The following NXPH2 variants were observed in gnomAD, a reference collection of about 807,000 sequenced individuals.
The protein encoded by NXPH2 is neurexophilin 2, also known as neurexophilin-2.
Under a neutral mutation model 19.8 loss-of-function variants are expected in NXPH2, and 5 were observed. The observed-to-expected ratio is 0.25, with a 90% CI of 0.13 to 0.53. The LOEUF (loss-of-function observed/expected upper bound fraction) is 0.53. NXPH2 is among the 20% of genes least tolerant of loss of function. NXPH2 has a pLI of 0.96. For synonymous variants in NXPH2, 154 were observed against 127.4 expected, an observed-to-expected ratio of 1.21 and a Z score of -1.41; for missense variants, 289 against 322.8, an observed-to-expected ratio of 0.90 and a Z score of 0.80.
chr2:138,725,718 A>T (rs1681345570), intron 1 of NXPH2, among the ~76,000 whole-genome samples: 1 of 152,340 alleles, frequency 6.6e-6, no homozygotes, highest in East Asian at 1.9e-4. Context: ...TTTAAAAATC[A>T]TCTTCTGACG....
intron 1 of NXPH2, among the ~76,000 whole-genome samples, chr2:138,678,099 A>T (rs146488851): frequency 0.012 from 1,889 of 152,330 alleles, 43 homozygotes; most frequent in African/African-American, 0.041. Context: ...GGTTACAAAG[A>T]TTCTCAACTT....
At position 138,671,357 on chromosome 2, in the gene NXPH2, G is replaced by A. The variant is rs1039140969; in HGVS notation, c.360C>T (p.Asn120=). The A allele has an allele frequency of 1.2e-6, 2 of 1,613,762 alleles. No homozygotes were observed. Among genetic ancestry groups the A allele is most frequent in the African/African-American group, 2.7e-5 (2 of 74,910 alleles). ...GGAGATTGAGTTTGACAGTTTTAAT[G>A]TTGGAATGAAAGTCACCCCATCCAA... ...KMFGWGDFHS[N]IKTVKLNLLI... Residue 120 remains asparagine (N), a synonymous_variant, in exon 2 of 2, where the codon AAC becomes AAT. Coordinates refer to ENST00000272641, the MANE Select transcript of NXPH2 (RefSeq NM_007226.3).
intron 1 of NXPH2, among the ~76,000 whole-genome samples, chr2:138,742,321 G>A (rs1250008510): frequency 6.6e-6 from 1 of 152,060 alleles, no homozygotes. Context: ...TTCAAATACT[G>A]AGGAATCCTG....
rs573831270 is a variant in NXPH2 at position 138,775,889 on chromosome 2, T to C, written c.51+4302A>G. Among the ~76,000 whole-genome samples, 86 of 152,266 alleles carry C rather than the reference T, an allele frequency of 5.6e-4. No individual in the cohort carries two copies. In the Middle Eastern group the frequency reaches 0.017, roughly 30 times the overall value. ...TCTAACCAGCAATAATGCTTATGGC[T>C]AAGATAGAAATGAGATTCTTTACAG... On this transcript the variant is annotated intron_variant, in intron 1 of 1. Transcript: ENST00000272641.
chr2:138,730,682 T>C (rs1054863690), intron 1 of NXPH2, among the ~76,000 whole-genome samples: 1 of 152,192 alleles, frequency 6.6e-6, no homozygotes, highest in Non-Finnish European at 1.5e-5. Context: ...AAAGTTCTAA[T>C]AACTCTAGAT....
chr2:138,727,370 G>A (rs1681375654), intron 1 of NXPH2, among the ~76,000 whole-genome samples: 1 of 152,126 alleles, frequency 6.6e-6, no homozygotes, highest in Non-Finnish European at 1.5e-5. Context: ...AATTCCTATT[G>A]TTCAACATCC....
intron 1 of NXPH2, among the ~76,000 whole-genome samples, chr2:138,725,384 C>A (rs1317759733): frequency 6.6e-6 from 1 of 152,190 alleles, no homozygotes; most frequent in Non-Finnish European, 1.5e-5. Flanking sequence ...GCATTTTACT[C>A]AGATCTATAC....
rs75017361 is a variant in NXPH2 at position 138,763,053 on chromosome 2, T to A, written c.51+17138A>T. Among the ~76,000 whole-genome samples the A allele has an allele frequency of 6.8e-3, 1,043 of 152,336 alleles. 11 individuals are homozygous for A. Among genetic ancestry groups the A allele is most frequent in the African/African-American group, 0.023 (951 of 41,578 alleles). On this transcript the variant is annotated intron_variant, in intron 1 of 1. Transcript: ENST00000272641. ...CTTTCAAAAACTTTAAATCATGAAATAATCACTTTAATTAAGACTAAAATA... is the reference window on the plus strand; with the variant it reads ...CTTTCAAAAACTTTAAATCATGAAAAAATCACTTTAATTAAGACTAAAATA...
chr2:138,746,484 G>C (rs1444530338), intron 1 of NXPH2, among the ~76,000 whole-genome samples: 2 of 152,218 alleles, frequency 1.3e-5, no homozygotes, highest in Admixed American at 6.5e-5. Flanking sequence ...ACCTGTATCT[G>C]ACTTTAGGGT....
intron 1 of NXPH2, among the ~76,000 whole-genome samples, chr2:138,718,596 T>C (rs957915118): frequency 6.6e-6 from 1 of 152,046 alleles, no homozygotes; most frequent in Non-Finnish European, 1.5e-5. Context: ...GTCAGAAAGG[T>C]AGCAGCTGAA....
intron 1 of NXPH2, among the ~76,000 whole-genome samples, chr2:138,761,372 C>CGGG (rs1199024712): frequency 2.0e-5 from 3 of 152,190 alleles, no homozygotes; most frequent in Non-Finnish European, 2.9e-5. Flanking sequence ...ACCATTTCCC[C>CGGG]GGTCAGGTCC....
intron 1 of NXPH2, among the ~76,000 whole-genome samples, chr2:138,697,137 A>G (rs1440637128): frequency 6.6e-6 from 1 of 152,166 alleles, no homozygotes; most frequent in Non-Finnish European, 1.5e-5. Context: ...AAACTCATCT[A>G]TAGGCAGATC....
chr2:138,669,404 C>T lies in NXPH2; in HGVS notation c.*1518G>A, dbSNP rs1197566583. 2.6e-5 allele frequency among the ~76,000 whole-genome samples: 4 copies of T among 152,096 alleles called. No homozygotes were observed. The highest frequency in any genetic ancestry group is 6.5e-5 in the Admixed American group (1 of 15,276). On this transcript the variant is annotated 3_prime_UTR_variant, in exon 2 of 2. Transcript: ENST00000272641. ...AGAACTTCAAGCCTGTACTACCACA[C>T]ACTAAGCTTAGTACAATTTTTACAA...
At chr2:138,684,061 T>C (rs1680613862) in intron 1 of NXPH2, among the ~76,000 whole-genome samples, 1 of 152,222 alleles carries the variant, frequency 6.6e-6, no homozygotes, top group Non-Finnish European at 1.5e-5. Context: ...GTTAAAAGTA[T>C]TTTTGCAATA....
rs988440643 is a variant in NXPH2 at position 138,780,217 on chromosome 2, C to G, written c.25G>C (p.Val9Leu). 3 of 1,469,726 alleles carry G rather than the reference C, an allele frequency of 2.0e-6. No homozygotes were observed. Among genetic ancestry groups the G allele is most frequent in the Non-Finnish European group, 2.7e-6 (3 of 1,119,120 alleles). 91.0% of individuals were successfully genotyped at this position (1,469,726 alleles called of 1,614,324 possible). A position where few individuals can be genotyped will look rare whatever the true frequency, so the allele number is the denominator to read the frequency against. The change falls in exon 1 of 2, where the codon GTG becomes CTG. Residue 9 changes from valine to leucine, a missense_variant. Val to Leu is a conservative substitution (Grantham distance 32). Transcript: ENST00000272641. MRLRPLPLVVVPGLLQLLF... is the reference protein window; with the variant it reads MRLRPLPLLVVPGLLQLLF... Reference sequence around the variant, plus strand: ...AGCTGCAGCAAGCCAGGGACCACCACGAGGGGCAGCGGCCGCAGGCGCATG... The same window carrying G: ...AGCTGCAGCAAGCCAGGGACCACCAGGAGGGGCAGCGGCCGCAGGCGCATG...
intron 1 of NXPH2, among the ~76,000 whole-genome samples, chr2:138,730,959 C>A (rs1192161891): frequency 1.3e-5 from 2 of 152,148 alleles, no homozygotes; most frequent in African/African-American, 2.4e-5. Context: ...TTCCCATGCC[C>A]TTTGTTGTCA....
Position 138,671,000 on chromosome 2 carries a change from A to G in NXPH2, c.717T>C (p.Ser239=), listed in dbSNP as rs778109299. 6.2e-7 allele frequency: 1 copy of G among 1,613,992 alleles called. No individual in the cohort carries two copies. Among genetic ancestry groups the G allele is most frequent in the East Asian group, 2.2e-5 (1 of 44,880 alleles). Residue 239 remains serine, a synonymous_variant, in exon 2 of 2, where the codon AGT becomes AGC. Transcript: ENST00000272641. Reference sequence around the variant, plus strand: ...CCTTTTGCACGAGTTTATAATCAACACTGTAAAAGGCAATGTAAATGCAAA... The same window carrying G: ...CCTTTTGCACGAGTTTATAATCAACGCTGTAAAAGGCAATGTAAATGCAAA... ...KVICIYIAFY[S]VDYKLVQKVC...
chr2:138,780,353 T>C lies in NXPH2; in HGVS notation c.-112A>G. On this transcript the variant is annotated 5_prime_UTR_variant, in exon 1 of 2. Transcript: ENST00000272641. ...CCAGGGACACAGCGCGGCGCTTCCCTCCCGGAATCCGAGCGCTGCGCCGTG... is the reference window on the plus strand; with the variant it reads ...CCAGGGACACAGCGCGGCGCTTCCCCCCCGGAATCCGAGCGCTGCGCCGTG... The C allele has an allele frequency of 4.0e-6, 2 of 502,846 alleles. No homozygotes were observed. The highest frequency in any genetic ancestry group is 2.6e-6 in the Non-Finnish European group (1 of 384,506). 31.1% of individuals were successfully genotyped at this position (502,846 alleles called of 1,614,324 possible).
chr2:138,726,573 ACC>A (rs1165506727), intron 1 of NXPH2, among the ~76,000 whole-genome samples: 2 of 151,134 alleles, frequency 1.3e-5, no homozygotes, highest in Non-Finnish European at 2.9e-5. Context: ...CCAACATAGC[ACC>A]AAAGGCCAAA....
Sources: allele counts gnomAD v4.1 joint callset (sites outside exome capture counted in the v4.1 genomes callset), GRCh38; gene constraint gnomAD v4.1.1; transcripts MANE v1.5; gene names NCBI Gene and HGNC (gene_info 2026-07-23, HGNC 2026-07-21).